Variants in AXDND1 observed in about 807,000 individuals in gnomAD.
AXDND1 encodes axonemal dynein light chain domain-containing protein 1.
In AXDND1, 110 loss-of-function variants were observed where a neutral mutation model predicts 137.5. The observed-to-expected ratio is 0.80, with a 90% CI of 0.69 to 0.94. The LOEUF (loss-of-function observed/expected upper bound fraction) is 0.94. Among genes scored for constraint, AXDND1 ranks in the 40% least tolerant of loss-of-function variants. The pLI, the probability that AXDND1 is intolerant of heterozygous loss-of-function variation, is 0.00. For synonymous variants in AXDND1, 414 were observed against 399.7 expected (o/e 1.04, Z -0.43); for missense variants, 1,191 against 1,169.8 (o/e 1.02, Z -0.26).
intron 17 of AXDND1, among the ~76,000 whole-genome samples, chr1:179,473,498 CA>C (rs900647039): frequency 2.7e-5 from 4 of 150,298 alleles, no homozygotes; most frequent in Non-Finnish European, 4.4e-5. Flanking sequence ...AACTCTGTCT[CA>C]AAAAAAAAGA....
At chr1:179,458,511 A>G (rs1661745263) in intron 16 of AXDND1, among the ~76,000 whole-genome samples, 3 of 152,128 alleles carry the variant, frequency 2.0e-5, no homozygotes, top group Admixed American at 2.0e-4. Context: ...TAAATAAAAT[A>G]ATAATTATTA....
At chr1:179,534,006 T>C in intron 24 of AXDND1, 129 bp downstream of exon 24, 1 of 682,518 alleles carries the variant, frequency 1.5e-6, no homozygotes, top group East Asian at 2.8e-5. Flanking sequence ...GGGATGTGTA[T>C]CTCCACATGT....
At position 179,468,568 on chromosome 1, in the gene AXDND1, A is replaced by T. The variant is rs1370680539; in HGVS notation, c.1924A>T (p.Met642Leu). The change falls in exon 17 of 26, where the codon ATG becomes TTG. Residue 642 changes from methionine to leucine, a missense_variant. Met to Leu is a conservative substitution (Grantham distance 15). Coordinates refer to ENST00000367618, the MANE Select transcript of AXDND1 (RefSeq NM_144696.6). ...GGAAATAGATGAAAAAATTAATGAA[A>T]TGAAATCACACTTGGATATATTGTT... ...WQEIDEKINE[M>L]KSHLDILLNL... is the part of the protein sequence containing the mutation. 1.2e-6 allele frequency: 2 copies of T among 1,613,042 alleles called. No homozygotes were observed. The highest frequency in any genetic ancestry group is 1.1e-5 in the South Asian group (1 of 91,030).
chr1:179,514,557 G>A (rs1669346926), intron 21 of AXDND1, among the ~76,000 whole-genome samples: 2 of 152,044 alleles, frequency 1.3e-5, no homozygotes, highest in South Asian at 4.1e-4. Flanking sequence ...TGGAGAAAAT[G>A]TTTTGTATAT....
chr1:179,396,807 A>C (rs1237081270), intron 11 of AXDND1, among the ~76,000 whole-genome samples: 1 of 152,160 alleles, frequency 6.6e-6, no homozygotes, highest in Non-Finnish European at 1.5e-5. Context: ...TGTATCAATC[A>C]CTCAGAATGG....
intron 20 of AXDND1, among the ~76,000 whole-genome samples, chr1:179,497,056 T>C (rs1667515410): frequency 1.3e-5 from 2 of 152,116 alleles, no homozygotes; most frequent in South Asian, 2.1e-4. Flanking sequence ...TCAGAGAACA[T>C]ATTTTGTACC....
chr1:179,461,359 G>T (rs2125444639), intron 16 of AXDND1, among the ~76,000 whole-genome samples: 1 of 152,254 alleles, frequency 6.6e-6, no homozygotes, highest in South Asian at 2.1e-4. Context: ...TCAGATGGTT[G>T]TAGATGTGTG....
intron 12 of AXDND1, among the ~76,000 whole-genome samples, chr1:179,422,390 A>G (rs1655899853): frequency 1.3e-5 from 2 of 152,152 alleles, no homozygotes; most frequent in Admixed American, 1.3e-4. Flanking sequence ...TACATTGACC[A>G]TTGGTCATTC....
At chr1:179,527,597 A>G (rs550255073) in intron 22 of AXDND1, among the ~76,000 whole-genome samples, 55 of 152,312 alleles carry the variant, frequency 3.6e-4, no homozygotes, top group Non-Finnish European at 1.9e-4. Context: ...CCTTTATAAT[A>G]AAGTACACTA....
At chr1:179,414,795 A>G (rs947462572) in intron 12 of AXDND1, among the ~76,000 whole-genome samples, 1 of 152,194 alleles carries the variant, frequency 6.6e-6, no homozygotes, top group Non-Finnish European at 1.5e-5. Context: ...GGAATTTGGC[A>G]AGTTGTTTAT....
chr1:179,457,307 C>T, intron 16 of AXDND1: 1 of 640,654 alleles, frequency 1.6e-6, no homozygotes, highest in Non-Finnish European at 2.8e-6. Context: ...ACTGTTTGGG[C>T]TCTTTAGGAG....
chr1:179,414,091 C>A (rs1426165778), intron 12 of AXDND1, among the ~76,000 whole-genome samples: 2 of 151,734 alleles, frequency 1.3e-5, no homozygotes, highest in African/African-American at 2.4e-5. Flanking sequence ...AATTTTTTAA[C>A]AAACATTGGG....
chr1:179,401,156 G>C (rs1013206233), intron 11 of AXDND1, among the ~76,000 whole-genome samples: 1 of 150,888 alleles, frequency 6.6e-6, no homozygotes, highest in South Asian at 2.1e-4. Flanking sequence ...TACTTGGGAG[G>C]CTGAGGCAGG....
intron 17 of AXDND1, among the ~76,000 whole-genome samples, chr1:179,480,717 G>C (rs554947203): frequency 1.3e-5 from 2 of 151,736 alleles, no homozygotes; most frequent in Non-Finnish European, 2.9e-5. Flanking sequence ...TAGCAACTTT[G>C]GTTGCTACCC....
At chr1:179,459,698 TCTTTC>T (rs1379380915) in intron 16 of AXDND1, among the ~76,000 whole-genome samples, 1 of 146,372 alleles carries the variant, frequency 6.8e-6, no homozygotes, top group Non-Finnish European at 1.5e-5. Context: ...TTTCTTTCTT[TCTTTC>T]CTTTCTTTCT....
intron 21 of AXDND1, among the ~76,000 whole-genome samples, chr1:179,515,225 G>C (rs1669423164): frequency 6.6e-6 from 1 of 152,076 alleles, no homozygotes; most frequent in South Asian, 2.1e-4. Flanking sequence ...TGTGTTTCCA[G>C]GATTAGAGCT....
rs560615692 is a variant in AXDND1 at position 179,459,222 on chromosome 1, G to C, written c.1799-9221G>C. Among the ~76,000 whole-genome samples the C allele has an allele frequency of 3.0e-3, 451 of 152,236 alleles. 1 individual carries two copies. The highest frequency in any genetic ancestry group is 4.6e-3 in the Non-Finnish European group (315 of 68,018). On this transcript the variant is annotated intron_variant, in intron 16 of 25. Coordinates refer to ENST00000367618, the MANE Select transcript of AXDND1 (RefSeq NM_144696.6). ...CCGAATAATGGCCTTGAACTCCTGG[G>C]TTCAAACAATCCTCCTGCCTCAGCC... is the stretch of plus-strand genomic sequence containing the variant.
intron 4 of AXDND1, among the ~76,000 whole-genome samples, chr1:179,377,496 T>C (rs1647466642): frequency 6.6e-6 from 1 of 152,132 alleles, no homozygotes; most frequent in Admixed American, 6.5e-5. Flanking sequence ...CTTAAAAGAG[T>C]CAATGACTCA....
intron 25 of AXDND1, among the ~76,000 whole-genome samples, chr1:179,549,574 C>G (rs1454019535): frequency 6.6e-6 from 1 of 151,980 alleles, no homozygotes; most frequent in Admixed American, 6.6e-5. Flanking sequence ...CCATTTTTAC[C>G]CTGGTGTTCA....
Sources: allele counts gnomAD v4.1 joint callset (sites outside exome capture counted in the v4.1 genomes callset), GRCh38; gene constraint gnomAD v4.1.1; transcripts MANE v1.5; gene names NCBI Gene and HGNC (gene_info 2026-07-23, HGNC 2026-07-21).